Variants in AOAH observed in about 807,000 individuals in gnomAD.
The protein encoded by AOAH is acyloxyacyl hydrolase (neutrophil).
A neutral mutation model predicts 92.2 loss-of-function variants in AOAH; 64 were observed. The ratio of observed to expected loss-of-function variants is 0.69; its 90% CI spans 0.57 to 0.86. The LOEUF (loss-of-function observed/expected upper bound fraction) is 0.86. Ranked by LOEUF, AOAH falls within the 40% of genes least tolerant of loss-of-function variation. AOAH has a pLI of 0.00. For missense variants in AOAH, 656 were observed against 694.6 expected, an observed-to-expected ratio of 0.94 and a Z score of 0.62; for synonymous variants, 263 against 254.5, an observed-to-expected ratio of 1.03 and a Z score of -0.32.
At chr7:36,654,126 C>CATGCATCCCTGTGCGTGTGT (rs1554305697) in intron 4 of AOAH, among the ~76,000 whole-genome samples, 21,163 of 151,222 alleles carry the variant, frequency 0.14, 2,010 homozygotes, top group East Asian at 0.35. Flanking sequence ...TGCGTGTGTG[C>CATGCATCCCTGTGCGTGTGT]GTACACACAC....
intron 4 of AOAH, among the ~76,000 whole-genome samples, chr7:36,643,344 T>G (rs17170671): frequency 0.045 from 6,875 of 152,252 alleles, 220 homozygotes; most frequent in East Asian, 0.12. Context: ...GCCTGAAATT[T>G]TAACATAAGC....
At position 36,513,451 on chromosome 7, in the gene AOAH, C is replaced by T. The variant is rs117529051; in HGVS notation, c.1600-71G>A. On this transcript the variant is annotated intron_variant, in intron 20 of 20. Transcript: ENST00000617537. The stretch of plus-strand genomic sequence containing the variant: ...AATCACTTACCAACAAGATTTCCCA[C>T]GTGCTTTCTGCCAGAGACAGCCTCT... 6.1e-3 allele frequency: 9,193 copies of T among 1,514,626 alleles called. 37 individuals are homozygous for T. The highest frequency in any genetic ancestry group is 9.2e-3 in the South Asian group (745 of 80,576). 93.8% of individuals were successfully genotyped at this position (1,514,626 alleles called of 1,614,324 possible). A position where few individuals can be genotyped will look rare whatever the true frequency, so the allele number is the denominator to read the frequency against.
intron 6 of AOAH, among the ~76,000 whole-genome samples, chr7:36,623,709 C>A (rs1792444725): frequency 6.6e-6 from 1 of 152,186 alleles, no homozygotes; most frequent in Admixed American, 6.5e-5. Flanking sequence ...TAGCTGGCAA[C>A]TTTCACTCCC....
chr7:36,518,434 A>G (rs143592525), intron 20 of AOAH, among the ~76,000 whole-genome samples: 2 of 152,288 alleles, frequency 1.3e-5, no homozygotes, highest in East Asian at 3.9e-4. Context: ...GATGGATGCA[A>G]GCTAATTCAT....
chr7:36,579,584 C>T lies in AOAH; in HGVS notation c.939-2928G>A, dbSNP rs191723527. 3.0e-3 allele frequency among the ~76,000 whole-genome samples: 462 copies of T among 152,100 alleles called. 2 individuals carry two copies. Among genetic ancestry groups the T allele is most frequent in the African/African-American group, 0.011 (439 of 41,466 alleles). ...ACAAGGTCCCATAATAGGCTGTAGG[C>T]AGGCTGAGGAGCAAGGAGAACCAGT... is the stretch of plus-strand genomic sequence containing the variant. On this transcript the variant is annotated intron_variant, in intron 12 of 20. Coordinates refer to ENST00000617537, the MANE Select transcript of AOAH (RefSeq NM_001637.4).
chr7:36,587,419 T>G (rs1294779014), intron 12 of AOAH, among the ~76,000 whole-genome samples: 1 of 152,196 alleles, frequency 6.6e-6, no homozygotes, highest in Non-Finnish European at 1.5e-5. Flanking sequence ...CAACAAGTAG[T>G]AGTTTCTTAA....
intron 19 of AOAH, among the ~76,000 whole-genome samples, chr7:36,525,225 G>A (rs1284141167): frequency 6.6e-6 from 1 of 152,154 alleles, no homozygotes; most frequent in South Asian, 2.1e-4. Flanking sequence ...GCCTGAGATG[G>A]CTAATAAAAA....
At position 36,557,709 on chromosome 7, in the gene AOAH, T is replaced by G. The variant is rs200355501; in HGVS notation, c.1022-8234A>C. ...CTTTTTATTCTTTTTTCTCTAAACT[T>G]CCCTTCTTGCTTCATTTCATTCATT... On this transcript the variant is annotated intron_variant, in intron 13 of 20. Transcript: ENST00000617537. 4.1e-4 allele frequency among the ~76,000 whole-genome samples: 63 copies of G among 152,286 alleles called. No individual in the cohort carries two copies. In the East Asian group the frequency reaches 0.011, roughly 28 times the overall value.
At chr7:36,563,858 ATT>A (rs1787475673) in intron 13 of AOAH, among the ~76,000 whole-genome samples, 1 of 152,150 alleles carries the variant, frequency 6.6e-6, no homozygotes, top group Non-Finnish European at 1.5e-5. Flanking sequence ...AGGCAGAAAC[ATT>A]GAGACTACTC....
At chr7:36,633,289 G>A (rs554758484) in intron 5 of AOAH, among the ~76,000 whole-genome samples, 8 of 152,282 alleles carry the variant, frequency 5.3e-5, no homozygotes, top group African/African-American at 1.7e-4. Flanking sequence ...CTATGTCTTC[G>A]TAGCCCTCCA....
Position 36,620,804 on chromosome 7 carries a change from C to A in AOAH, c.679G>T (p.Asp227Tyr). Residue 227 changes from aspartate to tyrosine, a missense_variant, in exon 9 of 21, where the codon GAT (aspartate) becomes TAT (tyrosine). By Grantham distance (160) the Asp-to-Tyr change is radical. Coordinates refer to ENST00000617537, the MANE Select transcript of AOAH (RefSeq NM_001637.4). ...RRPNNWDVHQ[D>Y]SNCNGIWGVD... ...ACCCAAATGCCATTACAGTTTGAATCCTGATGGACATCCCAGTTGTTCGGC... is the reference window on the plus strand; with the variant it reads ...ACCCAAATGCCATTACAGTTTGAATACTGATGGACATCCCAGTTGTTCGGC... The A allele has an allele frequency of 6.2e-7, 1 of 1,613,740 alleles. No individual in the cohort carries two copies. Among genetic ancestry groups the A allele is most frequent in the South Asian group, 1.1e-5 (1 of 91,002 alleles).
intron 4 of AOAH, among the ~76,000 whole-genome samples, chr7:36,656,825 C>T (rs1459969626): frequency 2.2e-5 from 3 of 135,980 alleles, no homozygotes; most frequent in African/African-American, 8.6e-5. Context: ...TAGATAAGGG[C>T]TTCGAAATGT....
At chr7:36,683,767 A>G (rs1272168921) in intron 2 of AOAH, among the ~76,000 whole-genome samples, 1 of 151,794 alleles carries the variant, frequency 6.6e-6, no homozygotes, top group East Asian at 1.9e-4. Context: ...TTTATCTTAA[A>G]GCTGACATGT....
In AOAH at chr7:36,671,430, C is replaced by G. The variant is rs77605738; in HGVS notation, c.290+2513G>C. The stretch of plus-strand genomic sequence containing the variant: ...ATGCAAAGATGAATAAAATGTAGTC[C>G]TAGCCCTCAAACTGTTTTCCATCTA... On this transcript the variant is annotated intron_variant, in intron 3 of 20. Coordinates refer to ENST00000617537, the MANE Select transcript of AOAH (RefSeq NM_001637.4). 1.8e-4 allele frequency among the ~76,000 whole-genome samples: 28 copies of G among 152,250 alleles called. No individual in the cohort carries two copies. In the East Asian group the frequency reaches 5.2e-3, roughly 28 times the overall value.
At chr7:36,655,046 A>C (rs1416448875) in intron 4 of AOAH, among the ~76,000 whole-genome samples, 2 of 152,316 alleles carry the variant, frequency 1.3e-5, no homozygotes, top group South Asian at 2.1e-4. Flanking sequence ...TTTTATCCAT[A>C]TACCAAGTAA....
intron 11 of AOAH, among the ~76,000 whole-genome samples, chr7:36,599,166 G>A (rs1010205500): frequency 6.6e-6 from 1 of 152,190 alleles, no homozygotes; most frequent in Non-Finnish European, 1.5e-5. Flanking sequence ...TTCCCTGTGT[G>A]TGGGTATGTG....
chr7:36,712,367 C>G (rs13244859), intron 1 of AOAH, among the ~76,000 whole-genome samples: 1 of 151,936 alleles, frequency 6.6e-6, no homozygotes, highest in African/African-American at 2.4e-5. Context: ...TTTTTCTTAA[C>G]CTTTTAAAAA....
intron 3 of AOAH, among the ~76,000 whole-genome samples, chr7:36,666,877 CTCTT>C (rs909644346): frequency 3.3e-5 from 5 of 152,008 alleles, no homozygotes; most frequent in African/African-American, 1.2e-4. Flanking sequence ...ATTTCTAGTT[CTCTT>C]TCTTTTACTG....
chr7:36,573,198 A>G (rs1434257358), intron 13 of AOAH, among the ~76,000 whole-genome samples: 2 of 152,212 alleles, frequency 1.3e-5, no homozygotes, highest in Non-Finnish European at 2.9e-5. Context: ...ATCTTAGAGA[A>G]GGACCAGAGG....
Sources: allele counts gnomAD v4.1 joint callset (sites outside exome capture counted in the v4.1 genomes callset), GRCh38; gene constraint gnomAD v4.1.1; transcripts MANE v1.5; gene names NCBI Gene and HGNC (gene_info 2026-07-23, HGNC 2026-07-21).